PRKCZ: variants seen among roughly 807,000 people sequenced by gnomAD.
PRKCZ encodes protein kinase C zeta, also known as protein kinase C zeta type.
A neutral mutation model predicts 79.5 loss-of-function variants in PRKCZ; 33 were observed. The ratio of observed to expected loss-of-function variants is 0.41; its 90% CI spans 0.31 to 0.55. The LOEUF is 0.55. Ranked by LOEUF, PRKCZ falls within the 20% of genes least tolerant of loss-of-function variation. The pLI, the probability that PRKCZ is intolerant of heterozygous loss-of-function variation, is 0.19. For missense variants in PRKCZ, 578 were observed against 813.5 expected, an observed-to-expected ratio of 0.71 and a Z score of 3.52; for synonymous variants, 342 against 320.9, an observed-to-expected ratio of 1.07 and a Z score of -0.70.
At chr1:2,153,417 C>T (rs549806232) in intron 9 of PRKCZ, among the ~76,000 whole-genome samples, 3 of 152,248 alleles carry the variant, frequency 2.0e-5, no homozygotes, top group Non-Finnish European at 2.9e-5. Context: ...GGTCCCTCCT[C>T]GCCAGCCATG....
chr1:2,081,032 C>T (rs997498618), intron 4 of PRKCZ, among the ~76,000 whole-genome samples: 6 of 152,184 alleles, frequency 3.9e-5, no homozygotes, highest in East Asian at 1.9e-4. Context: ...GTCACCTGGC[C>T]GCGGTGTGTT....
intron 11 of PRKCZ, chr1:2,171,578 G>A (rs1684445463): frequency 6.5e-6 from 1 of 154,782 alleles, no homozygotes; most frequent in Non-Finnish European, 1.4e-5. Context: ...ATGTTGCCCA[G>A]GCTGGTCTTG....
chr1:2,104,754 G>T (rs768726481), intron 4 of PRKCZ: 1 of 985,836 alleles, frequency 1.0e-6, no homozygotes, highest in Non-Finnish European at 1.2e-6. Flanking sequence ...GACGCAGCGG[G>T]CTGGCCTGCG....
chr1:2,082,143 G>T lies in PRKCZ; in HGVS notation c.334+22552G>T. The stretch of plus-strand genomic sequence containing the variant: ...ACACGGCCATCCGAGGGCGGACGTG[G>T]TCAGGGGTGCTGGACGCGTCAGACG... On this transcript the variant is annotated intron_variant, in intron 4 of 17. Transcript: ENST00000378567. The surrounding 1 kb of genome is among the most constrained non-coding windows in gnomAD (Gnocchi z 4.4). 2 of 331,578 alleles carry T rather than the reference G, an allele frequency of 6.0e-6. No homozygotes were observed. The highest frequency in any genetic ancestry group is 4.7e-5 in the South Asian group (2 of 42,962). The allele number at this position is 331,578 out of a possible 1,614,324, so 20.5% of individuals were successfully genotyped here. A position where few individuals can be genotyped will look rare whatever the true frequency, so the allele number is the denominator to read the frequency against.
At chr1:2,098,185 A>G (rs1011103354) in intron 4 of PRKCZ, among the ~76,000 whole-genome samples, 3 of 152,276 alleles carry the variant, frequency 2.0e-5, no homozygotes, top group African/African-American at 7.2e-5. Flanking sequence ...ACTAGGGGCA[A>G]GGATATGTAA....
intron 4 of PRKCZ, among the ~76,000 whole-genome samples, chr1:2,092,168 C>T (rs964713278): frequency 6.6e-6 from 1 of 152,212 alleles, no homozygotes; most frequent in Non-Finnish European, 1.5e-5. Flanking sequence ...CCCGTCCATC[C>T]AGCCCCTTCC....
chr1:2,120,643 C>G (rs915821887), intron 4 of PRKCZ, among the ~76,000 whole-genome samples: 2 of 151,862 alleles, frequency 1.3e-5, no homozygotes, highest in Non-Finnish European at 2.9e-5. Flanking sequence ...CCCTGGGACC[C>G]CCACACTTCA....
At chr1:2,146,165 C>T (rs1038507816) in intron 7 of PRKCZ, 57 bp downstream of exon 7, 1 of 1,503,880 alleles carries the variant, frequency 6.6e-7, no homozygotes, top group South Asian at 1.1e-5. Context: ...ACCCTGCTCA[C>T]CTCTGCCTTC....
At chr1:2,105,526 A>C (rs938893621) in intron 4 of PRKCZ, among the ~76,000 whole-genome samples, 3 of 152,110 alleles carry the variant, frequency 2.0e-5, no homozygotes, top group African/African-American at 7.2e-5. Flanking sequence ...CGGCCTCCCG[A>C]GTAGCTGGGA....
intron 7 of PRKCZ, among the ~76,000 whole-genome samples, chr1:2,148,115 A>G (rs539255949): frequency 1.5e-4 from 18 of 118,244 alleles, no homozygotes; most frequent in South Asian, 1.1e-3. Flanking sequence ...CCATCCATCT[A>G]TTGTCCACTG....
chr1:2,088,939 T>C (rs569938095), intron 4 of PRKCZ, among the ~76,000 whole-genome samples: 1 of 152,204 alleles, frequency 6.6e-6, no homozygotes, highest in African/African-American at 2.4e-5. Context: ...CACTTTTGTT[T>C]TATTTTGTTT....
At chr1:2,107,308 C>T (rs1016169356) in intron 4 of PRKCZ, among the ~76,000 whole-genome samples, 1 of 152,252 alleles carries the variant, frequency 6.6e-6, no homozygotes, top group African/African-American at 2.4e-5. Flanking sequence ...TTGCGTCCTC[C>T]CTCTCCTGAG....
Position 2,056,547 on chromosome 1 carries a change from G to T in PRKCZ, c.257G>T (p.Cys86Phe), listed in dbSNP as rs966006143. 4.3e-6 allele frequency: 7 copies of T among 1,613,928 alleles called. No homozygotes were observed. The highest frequency in any genetic ancestry group is 1.7e-4 in the Middle Eastern group (1 of 6,036). The change falls in exon 3 of 18, where the codon TGC becomes TTC. Residue 86 changes from cysteine (C) to phenylalanine (F), a missense_variant. By Grantham distance (205) the Cys-to-Phe change is radical. This residue lies in a region of PRKCZ where 228 missense variants were observed against 211.6 expected (regional missense o/e 1.08). Transcript: ENST00000378567. ...GAGGCTTTCCGCCTGGCCCGTCAGTGCAGGGATGAAGGCCTCATCATTCAT... is the reference window on the plus strand; with the variant it reads ...GAGGCTTTCCGCCTGGCCCGTCAGTTCAGGGATGAAGGCCTCATCATTCAT... Reference protein sequence around the residue: ...LEEAFRLARQCRDEGLIIHVF... With the variant: ...LEEAFRLARQFRDEGLIIHVF...
intron 7 of PRKCZ, among the ~76,000 whole-genome samples, chr1:2,147,502 C>T (rs577049106): frequency 2.0e-5 from 3 of 151,248 alleles, no homozygotes; most frequent in Non-Finnish European, 3.0e-5. Flanking sequence ...TGTCCACTGA[C>T]GTCTCCATCT....
intron 16 of PRKCZ, among the ~76,000 whole-genome samples, chr1:2,179,117 C>G (rs1686044524): frequency 6.6e-6 from 1 of 152,250 alleles, no homozygotes; most frequent in Non-Finnish European, 1.5e-5. Context: ...CCAGGCAGAT[C>G]CACCTGCCTT....
At chr1:2,175,134 T>C in intron 15 of PRKCZ, 90 bp from the exon 16 acceptor site, 1 of 1,126,088 alleles carries the variant, frequency 8.9e-7, no homozygotes, top group Non-Finnish European at 1.3e-6. Context: ...GGGGAGGGCT[T>C]GTCAGCACTG....
intron 17 of PRKCZ, 100 bp downstream of exon 17, chr1:2,184,798 C>T (rs1687315960): frequency 1.4e-6 from 2 of 1,391,784 alleles, no homozygotes; most frequent in Admixed American, 2.0e-5. Flanking sequence ...CCTTGAGTCC[C>T]ACCCGCCTGG....
chr1:2,049,344 T>G (rs1479998164), upstream of PRKCZ: 1 of 151,792 alleles, frequency 6.6e-6, no homozygotes, highest in Non-Finnish European at 1.5e-5. Flanking sequence ...GCAAACGGTG[T>G]TTAAGAAGAA....
At position 2,076,908 on chromosome 1, in the gene PRKCZ, A is replaced by G. The variant is rs534852145; in HGVS notation, c.334+17317A>G. 1.3e-3 allele frequency among the ~76,000 whole-genome samples: 195 copies of G among 152,252 alleles called. 1 individual carries two copies. The highest frequency in any genetic ancestry group is 4.5e-3 in the African/African-American group (188 of 41,548). On this transcript the variant is annotated intron_variant, in intron 4 of 17. Coordinates refer to ENST00000378567, the MANE Select transcript of PRKCZ (RefSeq NM_002744.6). ...CATCGGGGCCCGGCAGCTCATTTCT[A>G]GGATTCTCCTGAACACGCGAAGGAG...
Sources: allele counts gnomAD v4.1 joint callset (sites outside exome capture counted in the v4.1 genomes callset), GRCh38; gene constraint gnomAD v4.1.1; regional missense constraint gnomAD v4.1.1; non-coding constraint Gnocchi (gnomAD v3.1); transcripts MANE v1.5; gene names NCBI Gene and HGNC (gene_info 2026-07-23, HGNC 2026-07-21).